The following UACA variants were observed in gnomAD, a reference collection of about 807,000 sequenced individuals.
UACA encodes uveal autoantigen with coiled-coil domains and ankyrin repeats, also known as nuclear membrane binding protein.
Under a neutral mutation model 160.5 loss-of-function variants are expected in UACA, and 112 were observed. The ratio of observed to expected loss-of-function variants is 0.70; its 90% CI spans 0.60 to 0.82. The LOEUF (loss-of-function observed/expected upper bound fraction) is 0.82, where lower values mean the gene tolerates loss of function less well. Among genes scored for constraint, UACA ranks in the 40% least tolerant of loss-of-function variants. The pLI, the probability that UACA is intolerant of heterozygous loss-of-function variation, is 0.00. For missense variants in UACA, 1,574 were observed against 1,614.6 expected, an observed-to-expected ratio of 0.97 and a Z score of 0.43; for synonymous variants, 557 against 568.4, an observed-to-expected ratio of 0.98 and a Z score of 0.29.
chr15:70,708,087 A>T (rs1898571994), intron 1 of UACA, among the ~76,000 whole-genome samples: 1 of 152,250 alleles, frequency 6.6e-6, no homozygotes, highest in South Asian at 2.1e-4. Context: ...AATACTATTT[A>T]GCCTTAAAAA....
intron 17 of UACA, among the ~76,000 whole-genome samples, chr15:70,663,067 G>T (rs1282949464): frequency 1.3e-5 from 2 of 152,124 alleles, no homozygotes. Context: ...CCATCAGAGT[G>T]AACAGGCAAC....
intron 1 of UACA, among the ~76,000 whole-genome samples, chr15:70,756,869 T>C (rs1017390586): frequency 9.2e-5 from 14 of 152,090 alleles, no homozygotes; most frequent in African/African-American, 3.4e-4. Context: ...TGAGACTTCA[T>C]CTCCAAAAAA....
chr15:70,751,066 A>G (rs57415278), intron 1 of UACA, among the ~76,000 whole-genome samples: 2,092 of 152,198 alleles, frequency 0.014, 43 homozygotes, highest in African/African-American at 0.046. Context: ...AGACAGCAGC[A>G]GCAGCAGCTT....
intron 16 of UACA, among the ~76,000 whole-genome samples, chr15:70,666,481 C>G (rs1046268298): frequency 1.3e-5 from 2 of 152,188 alleles, no homozygotes; most frequent in Non-Finnish European, 2.9e-5. Flanking sequence ...GACAAGTGAG[C>G]CTTAAGTCTC....
chr15:70,657,456 T>C (rs982719857), intron 18 of UACA, among the ~76,000 whole-genome samples: 12 of 151,484 alleles, frequency 7.9e-5, no homozygotes, highest in African/African-American at 1.5e-4. Flanking sequence ...GGTAAAAATA[T>C]AAAAATTAGA....
upstream of UACA, among the ~76,000 whole-genome samples, chr15:70,767,599 A>G (rs566358002): frequency 1.3e-5 from 2 of 152,282 alleles, no homozygotes; most frequent in Non-Finnish European, 2.9e-5. Context: ...AAAAAAAAAA[A>G]AGAATTGACA....
At chr15:70,763,275 A>C in intron 1 of UACA, 55 bp downstream of exon 1, 1 of 1,296,998 alleles carries the variant, frequency 7.7e-7, no homozygotes, top group Non-Finnish European at 9.9e-7. Context: ...CCAGCAAAGG[A>C]GGGCTGCGCT....
rs113548210 is a variant in UACA at position 70,671,583 on chromosome 15, A to C, written c.1168+382T>G. The C allele has an allele frequency of 5.5e-3, 889 of 162,280 alleles. 8 individuals carry two copies. The highest frequency in any genetic ancestry group is 0.02 in the African/African-American group (843 of 42,072). 10.1% of individuals were successfully genotyped at this position (162,280 alleles called of 1,614,324 possible). Reference sequence around the variant, plus strand: ...GGGTCTAAAAATAATTCATAAATGTAATTTTAAAATGCCTACTTGCATTAA... The same window carrying C: ...GGGTCTAAAAATAATTCATAAATGTCATTTTAAAATGCCTACTTGCATTAA... On this transcript the variant is annotated intron_variant, in intron 14 of 18. Coordinates refer to ENST00000322954, the MANE Select transcript of UACA (RefSeq NM_018003.4).
chr15:70,677,000 GAA>G, intron 12 of UACA, 106 bp downstream of exon 12: 1 of 834,366 alleles, frequency 1.2e-6, no homozygotes, highest in Non-Finnish European at 1.9e-6. Context: ...TTAATAACCA[GAA>G]ATAGAATCCT....
chr15:70,725,686 T>A (rs576167320), intron 1 of UACA, among the ~76,000 whole-genome samples: 52 of 152,286 alleles, frequency 3.4e-4, no homozygotes, highest in African/African-American at 1.2e-3. Context: ...TTTCCTATGT[T>A]ATCATTGAAC....
At chr15:70,714,037 C>A (rs1005205977) in intron 1 of UACA, among the ~76,000 whole-genome samples, 1 of 152,022 alleles carries the variant, frequency 6.6e-6, no homozygotes, top group Non-Finnish European at 1.5e-5. Flanking sequence ...TAGGCAAATT[C>A]CCCCAAAACA....
At chr15:70,677,696 T>C (rs976237681) in intron 11 of UACA, among the ~76,000 whole-genome samples, 2 of 152,234 alleles carry the variant, frequency 1.3e-5, no homozygotes, top group African/African-American at 2.4e-5. Flanking sequence ...AAATGATTTA[T>C]GGATATTTCT....
chr15:70,703,269 T>A (rs968956440), intron 1 of UACA: 1 of 1,286,798 alleles, frequency 7.8e-7, no homozygotes, highest in Non-Finnish European at 1.0e-6. Context: ...TTTGTGAAAA[T>A]TGTTTCATGG....
chr15:70,761,605 C>G (rs917443587), intron 1 of UACA, among the ~76,000 whole-genome samples: 2 of 152,178 alleles, frequency 1.3e-5, no homozygotes, highest in African/African-American at 4.8e-5. Context: ...TTTTATTCCT[C>G]ATTACGCTTT....
At position 70,666,832 on chromosome 15, in the gene UACA, T is replaced by C. The variant is rs771581561; in HGVS notation, c.3852A>G (p.Gln1284=). ...EKELLHFSIE[Q]EIKDQKERCD... ...ATCGTTCCTTCTGATCCTTAATTTC[T>C]TGCTCAATGCTGAAATGCAGTAATT... The change falls in exon 16 of 19, where the codon CAA becomes CAG. Residue 1284 remains glutamine (Q), a synonymous_variant. Coordinates refer to ENST00000322954, the MANE Select transcript of UACA (RefSeq NM_018003.4). 2 of 1,613,960 alleles carry C rather than the reference T, an allele frequency of 1.2e-6. No homozygotes were observed. Among genetic ancestry groups the C allele is most frequent in the East Asian group, 2.2e-5 (1 of 44,868 alleles).
chr15:70,676,580 C>A lies in UACA; in HGVS notation c.1044G>T (p.Leu348=). 1 of 1,612,056 alleles carries A rather than the reference C, an allele frequency of 6.2e-7. No individual in the cohort carries two copies. Among genetic ancestry groups the A allele is most frequent in the Non-Finnish European group, 8.5e-7 (1 of 1,179,228 alleles). Residue 348 remains leucine (L), a synonymous_variant, in exon 13 of 19, where the codon CTG becomes CTT. Transcript: ENST00000322954. ...TTTCTTTAGCTGCCAAAAGGGACTT[C>A]AGCTTTTCTCTCTGAAATGAAACAG... is the stretch of plus-strand genomic sequence containing the variant. ...ADDLESEREK[L]KSLLAAKEKQ...
the UACA span, among the ~76,000 whole-genome samples, chr15:70,776,589 G>A: frequency 6.6e-6 from 1 of 152,014 alleles, no homozygotes; most frequent in African/African-American, 2.4e-5. Flanking sequence ...CACCATGCCT[G>A]GCTAAATTTT....
chr15:70,758,469 A>G (rs2030557840), intron 1 of UACA: 1 of 152,192 alleles, frequency 6.6e-6, no homozygotes, highest in Non-Finnish European at 1.5e-5. Context: ...TTGTTATCTT[A>G]TTTACATTAC....
chr15:70,713,829 A>G lies in UACA; in HGVS notation c.79-14169T>C, dbSNP rs541359608. On this transcript the variant is annotated intron_variant, in intron 1 of 18. Coordinates refer to ENST00000322954, the MANE Select transcript of UACA (RefSeq NM_018003.4). ...ATTACCTTAATATAATAGATATCTT[A>G]TATACCTCACCCACTTCAAACCTAG... 3.3e-5 allele frequency among the ~76,000 whole-genome samples: 5 copies of G among 152,296 alleles called. No homozygotes were observed. In the South Asian group the frequency reaches 8.3e-4, roughly 25 times the overall value.
Sources: gnomAD v4.1 joint callset for allele counts (sites outside exome capture counted in the v4.1 genomes callset) on GRCh38, gnomAD v4.1.1 for gene constraint, MANE v1.5 for transcripts, NCBI Gene and HGNC (gene_info 2026-07-23, HGNC 2026-07-21) for gene names.